Variants in CTNNA2 observed in about 807,000 individuals in gnomAD.
CTNNA2 encodes the protein catenin alpha 2.
CTNNA2 carries 42 observed loss-of-function variants against 101.0 expected under a neutral mutation model. That is an observed-to-expected ratio of 0.42 (90% confidence interval 0.32 to 0.54). CTNNA2 has a LOEUF of 0.54. CTNNA2 is among the 20% of genes least tolerant of loss of function. CTNNA2 has a pLI of 0.14. For synonymous variants in CTNNA2, 450 were observed against 456.4 expected, an observed-to-expected ratio of 0.99 and a Z score of 0.18; for missense variants, 871 against 1,223.1, an observed-to-expected ratio of 0.71 and a Z score of 4.29.
chr2:80,544,431 C>T (rs774033239), intron 9 of CTNNA2, among the ~76,000 whole-genome samples: 16 of 151,940 alleles, frequency 1.1e-4, no homozygotes, highest in South Asian at 2.1e-4. Flanking sequence ...GTATTGAATG[C>T]TACGAGCCTT....
chr2:79,277,153 ACT>A (rs1411761626), intron 2 of CTNNA2, among the ~76,000 whole-genome samples: 3 of 151,926 alleles, frequency 2.0e-5, no homozygotes, highest in Admixed American at 6.6e-5. Context: ...GATACTTTAA[ACT>A]CTCTCCCACC....
chr2:80,408,062 C>T (rs1007156943), intron 8 of CTNNA2, among the ~76,000 whole-genome samples: 2 of 152,206 alleles, frequency 1.3e-5, no homozygotes, highest in Non-Finnish European at 2.9e-5. Context: ...AAATGCTCAT[C>T]ATTCTCCCTT....
At chr2:79,288,568 C>G (rs1022231425) in intron 2 of CTNNA2, among the ~76,000 whole-genome samples, 4 of 152,120 alleles carry the variant, frequency 2.6e-5, no homozygotes, top group African/African-American at 9.7e-5. Context: ...GGCTATTTCT[C>G]TCTCTCTCCC....
intron 3 of CTNNA2, among the ~76,000 whole-genome samples, chr2:79,345,445 G>A (rs1430064879): frequency 6.6e-6 from 1 of 152,042 alleles, no homozygotes; most frequent in Non-Finnish European, 1.5e-5. Context: ...GATTATTCAT[G>A]GTCCCACCAA....
In CTNNA2 at chr2:79,912,659, G is replaced by A. The variant is rs1331887421; in HGVS notation, c.1056+2862G>A. Among the ~76,000 whole-genome samples, 7 of 152,166 alleles carry A rather than the reference G, an allele frequency of 4.6e-5. No homozygotes were observed. The South Asian group carries it at 1.0e-3, about 22-fold the overall frequency. ...TATCAAGTTGAAGATATAATCCAAA[G>A]TGAAAAGATTCTTAAAAAATAATCC... On this transcript the variant is annotated intron_variant, in intron 7 of 18. Coordinates refer to ENST00000402739, the MANE Select transcript of CTNNA2 (RefSeq NM_001282597.3).
chr2:79,792,510 A>C (rs1675361645), intron 3 of CTNNA2, among the ~76,000 whole-genome samples: 1 of 152,152 alleles, frequency 6.6e-6, no homozygotes, highest in Non-Finnish European at 1.5e-5. Flanking sequence ...GGATGAAGGA[A>C]GGCCTTGTGT....
chr2:80,600,769 G>A (rs535082834), intron 15 of CTNNA2, among the ~76,000 whole-genome samples: 1 of 152,044 alleles, frequency 6.6e-6, no homozygotes, highest in South Asian at 2.1e-4. Flanking sequence ...ATCAGCCTCC[G>A]AGTAGCTGGG....
chr2:80,323,565 T>C (rs1171351234), intron 7 of CTNNA2, among the ~76,000 whole-genome samples: 1 of 152,178 alleles, frequency 6.6e-6, no homozygotes, highest in Non-Finnish European at 1.5e-5. Flanking sequence ...CTGTGGTTTC[T>C]TATTGACCTT....
At chr2:79,931,653 T>A (rs190398844) in intron 7 of CTNNA2, among the ~76,000 whole-genome samples, 236 of 152,306 alleles carry the variant, frequency 1.5e-3, no homozygotes, top group African/African-American at 5.4e-3. Context: ...TGATCAGTTC[T>A]CAATGGACTG....
chr2:80,322,500 G>GGGC (rs1288670075), intron 7 of CTNNA2, among the ~76,000 whole-genome samples: 1 of 151,948 alleles, frequency 6.6e-6, no homozygotes, highest in East Asian at 1.9e-4. Flanking sequence ...TCCCTTGCTT[G>GGGC]GGCGGCTACG....
At chr2:80,187,507 C>A (rs1706205403) in intron 7 of CTNNA2, among the ~76,000 whole-genome samples, 1 of 152,202 alleles carries the variant, frequency 6.6e-6, no homozygotes, top group Non-Finnish European at 1.5e-5. Flanking sequence ...AACGGCTATT[C>A]TAAATAGGGC....
At chr2:79,523,138 C>A in intron 1 of CTNNA2, 1 of 335,326 alleles carries the variant, frequency 3.0e-6, no homozygotes, top group South Asian at 2.5e-5. Flanking sequence ...AATTCTTCCT[C>A]TACATTAGTT....
intron 17 of CTNNA2, among the ~76,000 whole-genome samples, chr2:80,615,632 C>T (rs559374996): frequency 2.0e-5 from 3 of 151,586 alleles, no homozygotes; most frequent in Admixed American, 1.3e-4. Flanking sequence ...TCTGTGCATT[C>T]GTTGTTTTCT....
intron 7 of CTNNA2, among the ~76,000 whole-genome samples, chr2:80,234,744 T>C (rs1573471156): frequency 6.6e-6 from 1 of 151,868 alleles, no homozygotes; most frequent in African/African-American, 2.4e-5. Flanking sequence ...GACGACACAG[T>C]ACTGAGAAAT....
intron 7 of CTNNA2, among the ~76,000 whole-genome samples, chr2:80,114,969 G>T (rs1416651592): frequency 6.6e-6 from 1 of 152,158 alleles, no homozygotes; most frequent in Non-Finnish European, 1.5e-5. Flanking sequence ...CATGAGGTTG[G>T]CATTATCAGA....
chr2:79,208,175 A>G (rs1674125003), intron 2 of CTNNA2, among the ~76,000 whole-genome samples: 1 of 152,142 alleles, frequency 6.6e-6, no homozygotes, highest in Admixed American at 6.5e-5. Flanking sequence ...CCCATCATGA[A>G]TGGGCATTTC....
In CTNNA2 at chr2:80,581,724, G is replaced by A. The variant is rs1444733248; in HGVS notation, c.1912G>A (p.Asp638Asn). The change falls in exon 14 of 19, where the codon GAT (aspartate) becomes AAT (asparagine). Residue 638 changes from aspartate (D) to asparagine (N), a missense_variant. Around this residue, in one of 5 missense-constraint regions of CTNNA2, gnomAD observed 647 missense variants for 831.5 expected, o/e 0.78. Coordinates refer to ENST00000402739, the MANE Select transcript of CTNNA2 (RefSeq NM_001282597.3). ...LMIRTPEELE[D>N]DSDFEQEDYD... ...TCTTTAGACCCCAGAAGAACTAGAG[G>A]ATGATTCTGACTTTGAGCAGGAAGA... 9 of 1,610,662 alleles carry A rather than the reference G, an allele frequency of 5.6e-6. No individual in the cohort carries two copies. Among genetic ancestry groups the A allele is most frequent in the Non-Finnish European group, 4.2e-6 (5 of 1,177,246 alleles).
Position 79,918,426 on chromosome 2 carries a change from G to A in CTNNA2, c.1056+8629G>A, listed in dbSNP as rs1267972450. Among the ~76,000 whole-genome samples the A allele has an allele frequency of 2.6e-5, 4 of 152,182 alleles. No homozygotes were observed. The East Asian group carries it at 7.7e-4, about 29-fold the overall frequency. On this transcript the variant is annotated intron_variant, in intron 7 of 18. Coordinates refer to ENST00000402739, the MANE Select transcript of CTNNA2 (RefSeq NM_001282597.3). Reference sequence around the variant, plus strand: ...ACAAAGCCTGATGACCCAGCTAGATGGCCAGCTAGATTAGGGGCCTCAGCA... The same window carrying A: ...ACAAAGCCTGATGACCCAGCTAGATAGCCAGCTAGATTAGGGGCCTCAGCA...
At chr2:80,278,616 T>C (rs1343259903) in intron 7 of CTNNA2, among the ~76,000 whole-genome samples, 1 of 152,046 alleles carries the variant, frequency 6.6e-6, no homozygotes, top group East Asian at 1.9e-4. Flanking sequence ...TACCATCCTA[T>C]TGGTGAAAGA....
Sources: allele counts gnomAD v4.1 joint callset (sites outside exome capture counted in the v4.1 genomes callset), GRCh38; gene constraint gnomAD v4.1.1; regional missense constraint gnomAD v4.1.1; transcripts MANE v1.5; gene names NCBI Gene and HGNC (gene_info 2026-07-23, HGNC 2026-07-21).